The following TBCEL variants were observed in gnomAD, a reference collection of about 807,000 sequenced individuals.
The protein encoded by TBCEL is tubulin-specific chaperone cofactor E-like protein.
A neutral mutation model predicts 44.2 loss-of-function variants in TBCEL; 15 were observed. That is an observed-to-expected ratio of 0.34 (90% CI 0.23 to 0.52). The LOEUF (loss-of-function observed/expected upper bound fraction) is 0.52. TBCEL is among the 20% of genes least tolerant of loss of function. TBCEL has a pLI of 0.95. For missense variants in TBCEL, 319 were observed against 506.3 expected (o/e 0.63, Z 3.55); for synonymous variants, 171 against 185.4 (o/e 0.92, Z 0.63).
chr11:121,049,261 G>C (rs1166473732), intron 4 of TBCEL, among the ~76,000 whole-genome samples: 1 of 151,844 alleles, frequency 6.6e-6, no homozygotes, highest in African/African-American at 2.4e-5. Flanking sequence ...TATCCATAAG[G>C]TAGGCTTGCC....
chr11:121,078,293 G>A (rs1236625651), intron 8 of TBCEL, among the ~76,000 whole-genome samples: 3 of 152,006 alleles, frequency 2.0e-5, no homozygotes, highest in Admixed American at 2.0e-4. Flanking sequence ...TATTTTTTGT[G>A]TACATATCTG....
intron 2 of TBCEL, among the ~76,000 whole-genome samples, chr11:121,039,221 T>C (rs866914061): frequency 1.3e-5 from 2 of 152,244 alleles, no homozygotes; most frequent in South Asian, 2.1e-4. Flanking sequence ...TAGTCTCTTG[T>C]GTTTGTTCAT....
intron 1 of TBCEL, among the ~76,000 whole-genome samples, chr11:121,033,401 A>G (rs2134884286): frequency 6.6e-6 from 1 of 152,298 alleles, no homozygotes; most frequent in African/African-American, 2.4e-5. Context: ...TTCCTCATGA[A>G]CATTGATAAA....
At chr11:121,048,180 C>A (rs1172270000) in intron 4 of TBCEL, among the ~76,000 whole-genome samples, 1 of 151,784 alleles carries the variant, frequency 6.6e-6, no homozygotes, top group South Asian at 2.1e-4. Flanking sequence ...TCATTCTCTA[C>A]TTCTACTTCA....
chr11:121,027,323 T>G (rs889115070), intron 1 of TBCEL, among the ~76,000 whole-genome samples: 10 of 152,210 alleles, frequency 6.6e-5, no homozygotes, highest in African/African-American at 2.2e-4. Flanking sequence ...CATTCTGACT[T>G]ACTTCTTTGG....
chr11:121,034,461 C>T (rs1329972495), intron 1 of TBCEL, among the ~76,000 whole-genome samples: 1 of 151,932 alleles, frequency 6.6e-6, no homozygotes, highest in African/African-American at 2.4e-5. Context: ...GTATTCTAGC[C>T]GTAGCTATGA....
chr11:121,047,733 T>A, intron 4 of TBCEL, 66 bp downstream of exon 4: 1 of 1,566,484 alleles, frequency 6.4e-7, no homozygotes, highest in Non-Finnish European at 8.7e-7. Context: ...TTGTTTATGT[T>A]ATTATATGTT....
chr11:121,068,941 C>T (rs1376028330), intron 8 of TBCEL, among the ~76,000 whole-genome samples: 1 of 151,592 alleles, frequency 6.6e-6, no homozygotes, highest in African/African-American at 2.4e-5. Flanking sequence ...GTTCCTGACA[C>T]ACTTCAAGCA....
chr11:121,024,786 T>C (rs1423402982), intron 1 of TBCEL, among the ~76,000 whole-genome samples: 1 of 152,162 alleles, frequency 6.6e-6, no homozygotes, highest in Non-Finnish European at 1.5e-5. Flanking sequence ...GACGGGCATG[T>C]CTAGGCCCTT....
At chr11:121,034,911 A>G (rs1185991832) in intron 1 of TBCEL, among the ~76,000 whole-genome samples, 2 of 152,198 alleles carry the variant, frequency 1.3e-5, no homozygotes, top group Non-Finnish European at 2.9e-5. Context: ...TGAAGGATGC[A>G]TAAAATTCAG....
intron 8 of TBCEL, among the ~76,000 whole-genome samples, chr11:121,076,539 AATTT>A (rs1350235233): frequency 6.6e-6 from 1 of 152,164 alleles, no homozygotes; most frequent in Non-Finnish European, 1.5e-5. Flanking sequence ...AGCCTTGCTA[AATTT>A]ATTTATTAAT....
chr11:121,026,260 C>T lies in TBCEL; in HGVS notation c.-126+1969C>T, dbSNP rs562176050. Among the ~76,000 whole-genome samples, 42 of 152,286 alleles carry T rather than the reference C, an allele frequency of 2.8e-4. 1 individual carries two copies. In the South Asian group the frequency reaches 8.7e-3, roughly 32 times the overall value. On this transcript the variant is annotated intron_variant, in intron 1 of 8. Transcript: ENST00000683345. ...TCAGTTAACATCTTAATTCCCCTTA[C>T]AAAAATTTTAGGTGGGGTCCTTAGA... is the stretch of plus-strand genomic sequence containing the variant.
At position 121,088,647 on chromosome 11, in the gene TBCEL, C is replaced by T. The variant is rs1946251106; in HGVS notation, c.*1551C>T. 6.6e-6 allele frequency: 1 copy of T among 152,172 alleles called. No homozygotes were observed. Among genetic ancestry groups the T allele is most frequent in the Non-Finnish European group, 1.5e-5 (1 of 68,012 alleles). 9.4% of individuals were successfully genotyped at this position (152,172 alleles called of 1,614,324 possible). ...TTGTTACATAATTCTACCCCTCCTA[C>T]AAATTTAATTTTTTTATGAAATTTT... On this transcript the variant is annotated 3_prime_UTR_variant, in exon 9 of 9. Coordinates refer to ENST00000683345, the MANE Select transcript of TBCEL (RefSeq NM_001363644.2).
At chr11:121,073,638 G>T (rs1249420831) in intron 8 of TBCEL, among the ~76,000 whole-genome samples, 1 of 151,702 alleles carries the variant, frequency 6.6e-6, no homozygotes, top group African/African-American at 2.4e-5. Flanking sequence ...CAGTAAAAGA[G>T]GTCATCTTTA....
At position 121,087,548 on chromosome 11, in the gene TBCEL, A is replaced by G. The variant is rs187013426; in HGVS notation, c.*452A>G. 1.4e-4 allele frequency: 22 copies of G among 153,536 alleles called. No individual in the cohort carries two copies. The highest frequency in any genetic ancestry group is 1.4e-3 in the Admixed American group (22 of 15,436). The allele number at this position is 153,536 out of a possible 1,614,324, so 9.5% of individuals were successfully genotyped here. A position where few individuals can be genotyped will look rare whatever the true frequency, so the allele number is the denominator to read the frequency against. The stretch of plus-strand genomic sequence containing the variant: ...CTCTCTCCCAGTTCTTCCTTCCGCT[A>G]CCCTCCCTCCTTGGCTTTTTTGGTT... On this transcript the variant is annotated 3_prime_UTR_variant, in exon 9 of 9. Coordinates refer to ENST00000683345, the MANE Select transcript of TBCEL (RefSeq NM_001363644.2).
At chr11:121,080,862 G>A (rs997733012) in intron 8 of TBCEL, among the ~76,000 whole-genome samples, 1 of 152,118 alleles carries the variant, frequency 6.6e-6, no homozygotes, top group Non-Finnish European at 1.5e-5. Context: ...AATGACCACC[G>A]TGCTACTAAA....
intron 2 of TBCEL, among the ~76,000 whole-genome samples, chr11:121,043,957 T>A (rs1171417784): frequency 6.6e-6 from 1 of 152,106 alleles, no homozygotes; most frequent in Admixed American, 6.6e-5. Flanking sequence ...TAAAGTGGAA[T>A]TCATCATTTT....
At chr11:121,056,700 G>C (rs1945627320) in intron 6 of TBCEL, among the ~76,000 whole-genome samples, 1 of 151,646 alleles carries the variant, frequency 6.6e-6, no homozygotes, top group African/African-American at 2.4e-5. Flanking sequence ...GGGGTATCTT[G>C]TTTTAATCTG....
intron 8 of TBCEL, among the ~76,000 whole-genome samples, chr11:121,063,528 G>C (rs896534079): frequency 1.3e-5 from 2 of 151,914 alleles, no homozygotes; most frequent in Admixed American, 6.6e-5. Context: ...TATTGATCCA[G>C]TTGTAAACTT....
Sources: allele counts gnomAD v4.1 joint callset (sites outside exome capture counted in the v4.1 genomes callset), GRCh38; gene constraint gnomAD v4.1.1; transcripts MANE v1.5; gene names NCBI Gene and HGNC (gene_info 2026-07-23, HGNC 2026-07-21).